The following CSGALNACT1 variants were observed in gnomAD, a reference collection of about 807,000 sequenced individuals.
CSGALNACT1 encodes the protein chondroitin sulfate N-acetylgalactosaminyltransferase 1.
Under a neutral mutation model 51.0 loss-of-function variants are expected in CSGALNACT1, and 52 were observed. That is an observed-to-expected ratio of 1.02 (90% CI 0.82 to 1.29). The LOEUF (loss-of-function observed/expected upper bound fraction) is 1.29. CSGALNACT1 is among the 50% of genes most tolerant of loss of function. The pLI is 0.00. For missense variants in CSGALNACT1, 935 were observed against 679.2 expected (o/e 1.38, Z -4.19); for synonymous variants, 341 against 254.4 (o/e 1.34, Z -3.24).
At chr8:19,595,168 C>T (rs2048633202) in intron 2 of CSGALNACT1, among the ~76,000 whole-genome samples, 1 of 152,080 alleles carries the variant, frequency 6.6e-6, no homozygotes, top group Admixed American at 6.5e-5. Context: ...AATTTTAAAA[C>T]TTAACTATCA....
At chr8:19,578,478 T>G (rs1372492690) in intron 3 of CSGALNACT1, among the ~76,000 whole-genome samples, 1 of 152,004 alleles carries the variant, frequency 6.6e-6, no homozygotes, top group Non-Finnish European at 1.5e-5. Flanking sequence ...TGACTTTAAG[T>G]GAAAAATATT....
chr8:19,483,131 C>T (rs1279066988), intron 4 of CSGALNACT1, among the ~76,000 whole-genome samples: 1 of 152,204 alleles, frequency 6.6e-6, no homozygotes, highest in African/African-American at 2.4e-5. Context: ...AATTCTGCTA[C>T]CACAAATGAA....
chr8:19,651,447 A>G (rs1031611611), intron 1 of CSGALNACT1, among the ~76,000 whole-genome samples: 3 of 151,968 alleles, frequency 2.0e-5, no homozygotes, highest in African/African-American at 7.3e-5. Context: ...CCCAGTGTCT[A>G]TTGTTTCTAT....
intron 1 of CSGALNACT1, among the ~76,000 whole-genome samples, chr8:19,727,496 C>T (rs889416650): frequency 2.2e-4 from 32 of 147,310 alleles, no homozygotes; most frequent in Admixed American, 6.3e-4. Context: ...ACTACAGGCG[C>T]GTGTCATCAC....
In CSGALNACT1 at chr8:19,437,219, T is replaced by C. The variant is rs143247500; in HGVS notation, c.953+2611A>G. 3.5e-4 allele frequency among the ~76,000 whole-genome samples: 53 copies of C among 151,992 alleles called. No homozygotes were observed. In the East Asian group the frequency reaches 7.2e-3, roughly 21 times the overall value. On this transcript the variant is annotated intron_variant, in intron 6 of 9. Transcript: ENST00000454498. ...AGAAAGAGCTCCAGAGGTGGGAACTTAGGTGGGGAGTGATGGGGGTTGAGG... is the reference window on the plus strand; with the variant it reads ...AGAAAGAGCTCCAGAGGTGGGAACTCAGGTGGGGAGTGATGGGGGTTGAGG...
intron 1 of CSGALNACT1, among the ~76,000 whole-genome samples, chr8:19,753,830 T>C (rs559618666): frequency 6.6e-6 from 1 of 152,242 alleles, no homozygotes; most frequent in Non-Finnish European, 1.5e-5. Context: ...TTCTACCAAA[T>C]AGCAAATTAT....
chr8:19,737,066 T>G (rs958208766), intron 1 of CSGALNACT1, among the ~76,000 whole-genome samples: 3 of 152,118 alleles, frequency 2.0e-5, no homozygotes, highest in African/African-American at 4.8e-5. Flanking sequence ...AAAACTGACT[T>G]CTCAAAAGCC....
intron 4 of CSGALNACT1, among the ~76,000 whole-genome samples, chr8:19,483,010 T>C (rs1238882293): frequency 6.6e-6 from 1 of 152,172 alleles, no homozygotes; most frequent in Non-Finnish European, 1.5e-5. Flanking sequence ...ACATCCAGTA[T>C]ACAGTGACAT....
intron 1 of CSGALNACT1, among the ~76,000 whole-genome samples, chr8:19,710,591 G>A (rs1564457147): frequency 6.6e-6 from 1 of 152,074 alleles, no homozygotes. Context: ...TTAGTTCTAG[G>A]GTAGGGAGTG....
chr8:19,536,141 T>C (rs1410105677), intron 3 of CSGALNACT1, among the ~76,000 whole-genome samples: 1 of 152,180 alleles, frequency 6.6e-6, no homozygotes, highest in African/African-American at 2.4e-5. Flanking sequence ...AAGATCAATA[T>C]ATGACACTTA....
chr8:19,525,740 C>T, intron 3 of CSGALNACT1, among the ~76,000 whole-genome samples: 1 of 151,688 alleles, frequency 6.6e-6, no homozygotes, highest in East Asian at 1.9e-4. Flanking sequence ...GCAGCCTGCC[C>T]TCGGAGCACA....
intron 4 of CSGALNACT1, among the ~76,000 whole-genome samples, chr8:19,459,286 G>C (rs113022708): frequency 0.034 from 5,090 of 151,018 alleles, 305 homozygotes; most frequent in African/African-American, 0.12. Flanking sequence ...GGGAGGCTGA[G>C]GCAGGAGAAT....
intron 4 of CSGALNACT1, among the ~76,000 whole-genome samples, chr8:19,480,328 T>C (rs1437817525): frequency 1.3e-5 from 2 of 152,176 alleles, no homozygotes; most frequent in African/African-American, 2.4e-5. Context: ...TGTGTTTTCA[T>C]CATTTAGCTA....
intron 1 of CSGALNACT1, among the ~76,000 whole-genome samples, chr8:19,659,019 T>C (rs1420126732): frequency 6.6e-6 from 1 of 152,176 alleles, no homozygotes; most frequent in Non-Finnish European, 1.5e-5. Context: ...GTCATCTAAG[T>C]AATGAAATCT....
chr8:19,510,034 T>C (rs1276309701), intron 3 of CSGALNACT1, among the ~76,000 whole-genome samples: 1 of 152,202 alleles, frequency 6.6e-6, no homozygotes, highest in Non-Finnish European at 1.5e-5. Flanking sequence ...AGAAGGGAGA[T>C]ACATAATTCC....
intron 5 of CSGALNACT1, among the ~76,000 whole-genome samples, chr8:19,446,796 G>A (rs986349764): frequency 1.3e-5 from 2 of 152,120 alleles, no homozygotes; most frequent in African/African-American, 4.8e-5. Context: ...TTAAAGGTGT[G>A]AGCCGCCATG....
At chr8:19,507,297 C>A (rs1401068729) in intron 3 of CSGALNACT1, among the ~76,000 whole-genome samples, 2 of 151,998 alleles carry the variant, frequency 1.3e-5, no homozygotes, top group East Asian at 1.9e-4. Context: ...AATTCTGTGT[C>A]CTGATAGTTC....
intron 5 of CSGALNACT1, among the ~76,000 whole-genome samples, chr8:19,456,131 T>C (rs2064037460): frequency 6.6e-6 from 1 of 152,234 alleles, no homozygotes; most frequent in Non-Finnish European, 1.5e-5. Flanking sequence ...CATTTGACTA[T>C]TCTCAATGAA....
In CSGALNACT1 at chr8:19,554,736, G is replaced by C. The variant is rs186720793; in HGVS notation, c.-297+36424C>G. 1.6e-3 allele frequency among the ~76,000 whole-genome samples: 249 copies of C among 152,154 alleles called. 1 individual carries two copies. The highest frequency in any genetic ancestry group is 3.0e-3 in the Admixed American group (46 of 15,270). On this transcript the variant is annotated intron_variant, in intron 3 of 9. Coordinates refer to ENST00000454498, the Ensembl canonical transcript of CSGALNACT1. ...AGTTCAAGACCAGCCTGCCCTACATGGTGAAACCCCGTCTCTACTAAAAAT... is the reference window on the plus strand; with the variant it reads ...AGTTCAAGACCAGCCTGCCCTACATCGTGAAACCCCGTCTCTACTAAAAAT...
Sources: allele counts gnomAD v4.1 joint callset (sites outside exome capture counted in the v4.1 genomes callset), GRCh38; gene constraint gnomAD v4.1.1; transcripts MANE v1.5; gene names NCBI Gene and HGNC (gene_info 2026-07-23, HGNC 2026-07-21).